The following AXL variants were observed in gnomAD, a reference collection of about 807,000 sequenced individuals.
AXL encodes AXL receptor tyrosine kinase.
A neutral mutation model predicts 104.5 loss-of-function variants in AXL; 52 were observed. The ratio of observed to expected loss-of-function variants is 0.50; its 90% CI spans 0.40 to 0.63. AXL has a LOEUF of 0.63. Ranked by LOEUF, AXL falls within the 20% of genes least tolerant of loss-of-function variation. AXL has a pLI of 0.00. For missense variants in AXL, 1,024 were observed against 1,188.5 expected (o/e 0.86, Z 2.04); for synonymous variants, 455 against 473.7 (o/e 0.96, Z 0.51).
In AXL at chr19:41,252,334, T is replaced by C. The variant is rs1469927780; in HGVS notation, c.1712-17T>C. 5.0e-6 allele frequency: 8 copies of C among 1,612,128 alleles called. No individual in the cohort carries two copies. The Admixed American group carries it at 5.0e-5, about 10-fold the overall frequency. ...CTCTCCTCCCCTCCTCCTCACGACC[T>C]TTCTCTCTCCCTCAAGTTGCCATCT... On this transcript the variant is annotated splice_polypyrimidine_tract_variant and intron_variant, in intron 14 of 19. Coordinates refer to ENST00000301178, the MANE Select transcript of AXL (RefSeq NM_021913.5).
intron 6 of AXL, among the ~76,000 whole-genome samples, chr19:41,232,087 C>T (rs2034000176): frequency 6.6e-6 from 1 of 152,138 alleles, no homozygotes. Context: ...ACCCAGAACC[C>T]TCCACTTCTC....
intron 6 of AXL, among the ~76,000 whole-genome samples, chr19:41,237,562 A>G (rs899150987): frequency 3.3e-5 from 5 of 152,072 alleles, no homozygotes; most frequent in African/African-American, 1.2e-4. Flanking sequence ...TATTATTGTC[A>G]TCACACTATT....
chr19:41,253,659 C>G lies in AXL; in HGVS notation c.1987C>G (p.Leu663Val), dbSNP rs754161303. Residue 663 changes from leucine (L) to valine (V), a missense_variant, in exon 17 of 20, where the codon CTG becomes GTG. Leu to Val is a conservative substitution (Grantham distance 32). This residue lies in a region of AXL where 523 missense variants were observed against 636.0 expected (regional missense o/e 0.82). Transcript: ENST00000301178. ...AGACATCGCCAGTGGCATGGAGTATCTGAGTACCAAGAGATTCATACACCG... is the reference window on the plus strand; with the variant it reads ...AGACATCGCCAGTGGCATGGAGTATGTGAGTACCAAGAGATTCATACACCG... ...MADIASGMEY[L>V]STKRFIHRDL... 3 of 1,613,780 alleles carry G rather than the reference C, an allele frequency of 1.9e-6. No homozygotes were observed. In the South Asian group the frequency reaches 3.3e-5, roughly 18 times the overall value.
In AXL at chr19:41,219,468, G is replaced by A. The variant is rs1043985274; in HGVS notation, c.76G>A (p.Ala26Thr). Residue 26 changes from alanine to threonine, a missense_variant, in exon 1 of 20, where the codon GCC (alanine) becomes ACC (threonine). Physicochemically the swap from Ala to Thr is moderately conservative, Grantham distance 58. Coordinates refer to ENST00000301178, the MANE Select transcript of AXL (RefSeq NM_021913.5). ...CLALCGWACM[A>T]PRGTQAEESP... Reference sequence around the variant, plus strand: ...GGCGCTGTGCGGCTGGGCGTGCATGGCCCCCAGGGGTGAGTGATGGGGGCT... The same window carrying A: ...GGCGCTGTGCGGCTGGGCGTGCATGACCCCCAGGGGTGAGTGATGGGGGCT... 1.9e-6 allele frequency: 3 copies of A among 1,604,192 alleles called. No homozygotes were observed. The highest frequency in any genetic ancestry group is 2.7e-5 in the African/African-American group (2 of 74,642).
At position 41,256,466 on chromosome 19, in the gene AXL, T is replaced by G; in HGVS notation, c.2051T>G (p.Met684Arg). 2 of 1,613,798 alleles carry G rather than the reference T, an allele frequency of 1.2e-6. No homozygotes were observed. Among genetic ancestry groups the G allele is most frequent in the South Asian group, 1.1e-5 (1 of 91,070 alleles). The part of the protein sequence containing the change: ...AARNCMLNEN[M>R]SVCVADFGLS... ...AATCCAAACAGGCTGAATGAGAACA[T>G]GTCCGTGTGTGTGGCGGACTTCGGG... The change falls in exon 18 of 20, where the codon ATG (methionine) becomes AGG (arginine). Residue 684 changes from methionine to arginine, a missense_variant. Physicochemically the swap from Met to Arg is moderately conservative, Grantham distance 91. Transcript: ENST00000301178.
chr19:41,251,977 G>C (rs1023391569), intron 14 of AXL, among the ~76,000 whole-genome samples: 1 of 151,168 alleles, frequency 6.6e-6, no homozygotes, highest in Non-Finnish European at 1.5e-5. Flanking sequence ...GCCGGGTGTG[G>C]TGGCACACGC....
Position 41,248,534 on chromosome 19 carries a change from G to A in AXL, c.1558G>A (p.Glu520Lys). ...EATLNSLGIS[E>K]ELKEKLRDVM... Reference sequence around the variant, plus strand: ...TGCAGTGAACAGCCTGGGCATCAGTGAAGAGCTGAAGGAGAAGCTGCGGGA... The same window carrying A: ...TGCAGTGAACAGCCTGGGCATCAGTAAAGAGCTGAAGGAGAAGCTGCGGGA... Residue 520 changes from glutamate to lysine, a missense_variant, in exon 13 of 20, where the codon GAA (glutamate) becomes AAA (lysine). Coordinates refer to ENST00000301178, the MANE Select transcript of AXL (RefSeq NM_021913.5). 6.2e-7 allele frequency: 1 copy of A among 1,614,232 alleles called. No individual in the cohort carries two copies. Among genetic ancestry groups the A allele is most frequent in the Non-Finnish European group, 8.5e-7 (1 of 1,180,046 alleles).
chr19:41,250,619 T>G (rs546684192), intron 14 of AXL, among the ~76,000 whole-genome samples: 1 of 152,282 alleles, frequency 6.6e-6, no homozygotes, highest in East Asian at 1.9e-4. Flanking sequence ...ATTTTTGTGT[T>G]TTTAGTAGAG....
chr19:41,242,545 G>A (rs1490758076), intron 10 of AXL, among the ~76,000 whole-genome samples: 1 of 151,968 alleles, frequency 6.6e-6, no homozygotes, highest in Non-Finnish European at 1.5e-5. Context: ...GGCCGGGCTG[G>A]TCTTGAACTC....
intron 4 of AXL, among the ~76,000 whole-genome samples, chr19:41,224,552 T>C (rs1442467463): frequency 6.6e-6 from 1 of 152,044 alleles, no homozygotes; most frequent in African/African-American, 2.4e-5. Flanking sequence ...CCAGATAGTT[T>C]TTGAATTTTT....
At chr19:41,239,510 G>A (rs1340277811) in intron 9 of AXL, among the ~76,000 whole-genome samples, 184 bp from the exon 10 acceptor site, 4 of 151,200 alleles carry the variant, frequency 2.6e-5, no homozygotes, top group South Asian at 2.1e-4. Context: ...TCCTTTACCC[G>A]TGCCACACCC....
Position 41,259,745 on chromosome 19 carries a change from C to T in AXL, c.2526C>T (p.Pro842=). 6.2e-7 allele frequency: 1 copy of T among 1,614,086 alleles called. No individual in the cohort carries two copies. The highest frequency in any genetic ancestry group is 1.1e-5 in the South Asian group (1 of 91,082). ...EPPGAAGGAD[P]PTQPDPKDSC... The stretch of plus-strand genomic sequence containing the variant: ...CTGGAGCTGCAGGAGGAGCTGACCC[C>T]CCAACCCAGCCAGACCCTAAGGATT... Residue 842 remains proline (P), a synonymous_variant, in exon 20 of 20, where the codon CCC becomes CCT. Coordinates refer to ENST00000301178, the MANE Select transcript of AXL (RefSeq NM_021913.5).
chr19:41,259,295 G>A (rs1445986889), intron 19 of AXL, among the ~76,000 whole-genome samples: 1 of 152,110 alleles, frequency 6.6e-6, no homozygotes, highest in Non-Finnish European at 1.5e-5. Flanking sequence ...GTCTGTTCTA[G>A]CAAACCCTCA....
chr19:41,246,827 G>GTTAC, intron 12 of AXL, among the ~76,000 whole-genome samples: 1 of 47,834 alleles, frequency 2.1e-5, no homozygotes, highest in Non-Finnish European at 4.0e-5. Flanking sequence ...GTTGCTGGGT[G>GTTAC]AACCACTGTG....
Position 41,260,035 on chromosome 19 carries a change from C to T in AXL, c.*131C>T. ...AGCCCTGTCTTCCTACCTATCCCAC[C>T]TCCATCCCAGACAGGTCCCTCCCCT... On this transcript the variant is annotated 3_prime_UTR_variant, in exon 20 of 20. Coordinates refer to ENST00000301178, the MANE Select transcript of AXL (RefSeq NM_021913.5). 1.3e-6 allele frequency: 1 copy of T among 799,802 alleles called. No homozygotes were observed. Among genetic ancestry groups the T allele is most frequent in the Non-Finnish European group, 1.9e-6 (1 of 520,658 alleles). The allele number at this position is 799,802 out of a possible 1,614,324, so 49.5% of individuals were successfully genotyped here. A position where few individuals can be genotyped will look rare whatever the true frequency, so the allele number is the denominator to read the frequency against.
Position 41,220,727 on chromosome 19 carries a change from G to T in AXL, c.177G>T (p.Gln59His). Residue 59 changes from glutamine (Q) to histidine (H), a missense_variant, in exon 2 of 20, where the codon CAG becomes CAT. Around this residue, in one of 5 missense-constraint regions of AXL, gnomAD observed 124 missense variants for 115.5 expected, o/e 1.07. Transcript: ENST00000301178. ...CGGGCACCCTTCGGTGTCAGCTCCA[G>T]GTTCAGGGAGAGCCCCCCGAGGTAC... ...GLTGTLRCQL[Q>H]VQGEPPEVHW... 2.5e-6 allele frequency: 4 copies of T among 1,614,094 alleles called. No homozygotes were observed. Among genetic ancestry groups the T allele is most frequent in the Non-Finnish European group, 3.4e-6 (4 of 1,179,974 alleles).
intron 6 of AXL, among the ~76,000 whole-genome samples, chr19:41,233,841 C>G (rs531334331): frequency 1.3e-5 from 2 of 151,798 alleles, no homozygotes; most frequent in South Asian, 4.2e-4. Context: ...TGCACTCTAC[C>G]CACATCACCA....
At chr19:41,225,710 C>T (rs188709270) in intron 4 of AXL, among the ~76,000 whole-genome samples, 128 of 152,182 alleles carry the variant, frequency 8.4e-4, no homozygotes, top group African/African-American at 3.0e-3. Flanking sequence ...GTGTGAGTCA[C>T]GGTGTTTTTG....
chr19:41,259,579 A>T lies in AXL; in HGVS notation c.2360A>T (p.Glu787Val). 6.2e-7 allele frequency: 1 copy of T among 1,610,358 alleles called. No homozygotes were observed. Among genetic ancestry groups the T allele is most frequent in the Non-Finnish European group, 8.5e-7 (1 of 1,177,984 alleles). ...TATGCCTTGATGTCGCGGTGCTGGG[A>T]GCTAAATCCCCAGGACCGGCCAAGT... is the stretch of plus-strand genomic sequence containing the variant. Reference protein sequence around the residue: ...GLYALMSRCWELNPQDRPSFT... With the variant: ...GLYALMSRCWVLNPQDRPSFT... Residue 787 changes from glutamate (E) to valine (V), a missense_variant, in exon 20 of 20, where the codon GAG becomes GTG. Physicochemically the swap from Glu to Val is moderately radical, Grantham distance 121. This residue lies in a region of AXL where 523 missense variants were observed against 636.0 expected (regional missense o/e 0.82). Coordinates refer to ENST00000301178, the MANE Select transcript of AXL (RefSeq NM_021913.5).
Sources: allele counts gnomAD v4.1 joint callset (sites outside exome capture counted in the v4.1 genomes callset), GRCh38; gene constraint gnomAD v4.1.1; regional missense constraint gnomAD v4.1.1; transcripts MANE v1.5; gene names NCBI Gene and HGNC (gene_info 2026-07-23, HGNC 2026-07-21).